KCNH7: variants seen among roughly 807,000 people sequenced by gnomAD.
KCNH7 encodes potassium voltage-gated channel subfamily H member 7.
KCNH7 carries 49 observed loss-of-function variants against 120.8 expected under a neutral mutation model. The ratio of observed to expected loss-of-function variants is 0.41; its 90% CI spans 0.32 to 0.51. The LOEUF (loss-of-function observed/expected upper bound fraction) is 0.51. KCNH7 is among the 20% of genes least tolerant of loss of function. The pLI is 0.38. For synonymous variants in KCNH7, 547 were observed against 516.1 expected (o/e 1.06, Z -0.81); for missense variants, 1,097 against 1,446.6 (o/e 0.76, Z 3.92).
intron 2 of KCNH7, among the ~76,000 whole-genome samples, chr2:162,706,889 C>T (rs938722276): frequency 6.6e-6 from 1 of 152,142 alleles, no homozygotes; most frequent in Non-Finnish European, 1.5e-5. Flanking sequence ...TTATTTATTA[C>T]AACGTGTGTA....
chr2:162,377,173 T>C (rs552655965), intron 14 of KCNH7, among the ~76,000 whole-genome samples: 1 of 152,026 alleles, frequency 6.6e-6, no homozygotes, highest in African/African-American at 2.4e-5. Context: ...TTTGTATACA[T>C]GTAACTTCTA....
intron 2 of KCNH7, among the ~76,000 whole-genome samples, chr2:162,666,978 C>T (rs191254078): frequency 3.8e-4 from 58 of 151,232 alleles, no homozygotes; most frequent in African/African-American, 1.3e-3. Context: ...TCCACTCTTT[C>T]GTCAGAACTA....
intron 2 of KCNH7, among the ~76,000 whole-genome samples, chr2:162,778,676 A>G (rs954507503): frequency 1.3e-5 from 2 of 152,206 alleles, no homozygotes; most frequent in Non-Finnish European, 2.9e-5. Flanking sequence ...TGATTTTAAT[A>G]CTTTTTACAA....
At chr2:162,552,249 C>A (rs1390439623) in intron 2 of KCNH7, among the ~76,000 whole-genome samples, 1 of 152,094 alleles carries the variant, frequency 6.6e-6, no homozygotes, top group Non-Finnish European at 1.5e-5. Context: ...GACACTTGCC[C>A]AAATATATCT....
At chr2:162,378,165 GA>G (rs1348622923) in intron 14 of KCNH7, among the ~76,000 whole-genome samples, 1 of 152,166 alleles carries the variant, frequency 6.6e-6, no homozygotes, top group African/African-American at 2.4e-5. Context: ...TCTGCAAGTA[GA>G]ACAACTTCCA....
intron 3 of KCNH7, among the ~76,000 whole-genome samples, chr2:162,520,603 A>AAC (rs1558991976): frequency 3.0e-4 from 45 of 151,580 alleles, no homozygotes; most frequent in African/African-American, 1.1e-3. Flanking sequence ...CTCTATAAAA[A>AAC]AACAACAACA....
At chr2:162,466,593 CATTTCTGTG>C (rs1416078036) in intron 6 of KCNH7, among the ~76,000 whole-genome samples, 1 of 152,138 alleles carries the variant, frequency 6.6e-6, no homozygotes, top group East Asian at 1.9e-4. Context: ...ACCAGAAACA[CATTTCTGTG>C]ATTTGTTGTG....
In KCNH7 at chr2:162,400,456, A is replaced by G. The variant is rs145691395; in HGVS notation, c.2155-15T>C. On this transcript the variant is annotated splice_polypyrimidine_tract_variant and intron_variant, in intron 9 of 15. Coordinates refer to ENST00000332142, the MANE Select transcript of KCNH7 (RefSeq NM_033272.4). ...CCCTTTAGGACCTGAGGAAAAAAAGAAAGAGTTTCATACTACCAGTGTTCT... is the reference window on the plus strand; with the variant it reads ...CCCTTTAGGACCTGAGGAAAAAAAGGAAGAGTTTCATACTACCAGTGTTCT... The G allele has an allele frequency of 1.3e-3, 2,128 of 1,610,442 alleles. 13 individuals carry two copies. In the Middle Eastern group the frequency reaches 0.013, roughly 10 times the overall value.
At chr2:162,395,185 G>A (rs1362781531) in intron 11 of KCNH7, among the ~76,000 whole-genome samples, 2 of 151,718 alleles carry the variant, frequency 1.3e-5, no homozygotes, top group Admixed American at 1.3e-4. Context: ...TTTTTGTGGA[G>A]TCAAAAGTTA....
chr2:162,421,364 T>C (rs1048204681), intron 9 of KCNH7, among the ~76,000 whole-genome samples: 5 of 152,128 alleles, frequency 3.3e-5, no homozygotes, highest in Non-Finnish European at 7.4e-5. Flanking sequence ...AGAAGTGAAT[T>C]TTTATGGGGA....
At chr2:162,817,271 T>C (rs1159503413) in intron 2 of KCNH7, among the ~76,000 whole-genome samples, 1 of 152,196 alleles carries the variant, frequency 6.6e-6, no homozygotes, top group Non-Finnish European at 1.5e-5. Flanking sequence ...TATATCACCA[T>C]AGTTTAGTTT....
At chr2:162,376,938 A>G (rs1686215871) in intron 14 of KCNH7, among the ~76,000 whole-genome samples, 1 of 152,234 alleles carries the variant, frequency 6.6e-6, no homozygotes. Context: ...ATTAAAGCAG[A>G]AAAGAAGTGG....
intron 6 of KCNH7, among the ~76,000 whole-genome samples, chr2:162,475,615 C>T (rs1271386200): frequency 6.6e-6 from 1 of 152,132 alleles, no homozygotes; most frequent in African/African-American, 2.4e-5. Context: ...TTATGCCTAC[C>T]TATAGCTGAT....
At position 162,492,783 on chromosome 2, in the gene KCNH7, G is replaced by T. The variant is rs561217208; in HGVS notation, c.1128+11660C>A. Among the ~76,000 whole-genome samples, 7 of 148,588 alleles carry T rather than the reference G, an allele frequency of 4.7e-5. 1 individual carries two copies. The South Asian group carries it at 1.5e-3, about 32-fold the overall frequency. ...AGGAATTTAAAAGGATTTCCTTAAA[G>T]TGTACTCAATTTAATTAAAAATGGA... On this transcript the variant is annotated intron_variant, in intron 6 of 15. Coordinates refer to ENST00000332142, the MANE Select transcript of KCNH7 (RefSeq NM_033272.4).
At chr2:162,648,818 C>T (rs1047526616) in intron 2 of KCNH7, among the ~76,000 whole-genome samples, 8 of 152,078 alleles carry the variant, frequency 5.3e-5, no homozygotes, top group Non-Finnish European at 7.3e-5. Flanking sequence ...AGTTCAAATG[C>T]TACCTTCTTT....
At chr2:162,825,786 T>C (rs1685261901) in intron 2 of KCNH7, among the ~76,000 whole-genome samples, 1 of 152,104 alleles carries the variant, frequency 6.6e-6, no homozygotes, top group South Asian at 2.1e-4. Flanking sequence ...AGCAGAAATT[T>C]CTCAGTGAGG....
chr2:162,400,257 G>C lies in KCNH7; in HGVS notation c.2339C>G (p.Thr780Ser). 1 of 1,612,372 alleles carries C rather than the reference G, an allele frequency of 6.2e-7. No homozygotes were observed. The highest frequency in any genetic ancestry group is 8.5e-7 in the Non-Finnish European group (1 of 1,178,936). Residue 780 changes from threonine to serine, a missense_variant, in exon 10 of 16, where the codon ACT (threonine) becomes AGT (serine). Physicochemically the swap from Thr to Ser is moderately conservative, Grantham distance 58. This residue lies in a region of KCNH7 where 101 missense variants were observed against 176.3 expected (regional missense o/e 0.57). Transcript: ENST00000332142. The part of the protein sequence containing the change: ...DTLVHCGDVL[T>S]ALYFLSRGSI... The stretch of plus-strand genomic sequence containing the variant: ...GCCTCTGGATAAGAAATAAAGTGCA[G>C]TGAGGACATCCCCACAGTGAACGAG...
At chr2:162,420,155 C>G (rs1351932461) in intron 9 of KCNH7, among the ~76,000 whole-genome samples, 1 of 152,044 alleles carries the variant, frequency 6.6e-6, no homozygotes, top group Non-Finnish European at 1.5e-5. Flanking sequence ...GGCGGCAGAT[C>G]ACTTGAGATC....
At chr2:162,782,518 G>A (rs528093426) in intron 2 of KCNH7, among the ~76,000 whole-genome samples, 1 of 152,306 alleles carries the variant, frequency 6.6e-6, no homozygotes, top group East Asian at 1.9e-4. Flanking sequence ...GGCCAGTGTG[G>A]CTGGAGCTGA....
Sources: allele counts gnomAD v4.1 joint callset (sites outside exome capture counted in the v4.1 genomes callset), GRCh38; gene constraint gnomAD v4.1.1; regional missense constraint gnomAD v4.1.1; transcripts MANE v1.5; gene names NCBI Gene and HGNC (gene_info 2026-07-23, HGNC 2026-07-21).